The following PPM1H variants were observed in gnomAD, a reference collection of about 807,000 sequenced individuals.
The protein encoded by PPM1H is protein phosphatase, Mg2+/Mn2+ dependent 1H, also known as protein phosphatase 1H.
A neutral mutation model predicts 54.9 loss-of-function variants in PPM1H; 27 were observed. The observed-to-expected ratio is 0.49, with a 90% CI of 0.36 to 0.68. The LOEUF is 0.68. PPM1H is among the 30% of genes least tolerant of loss of function. The pLI, the probability that PPM1H is intolerant of heterozygous loss-of-function variation, is 0.00. For synonymous variants in PPM1H, 305 were observed against 270.8 expected, an observed-to-expected ratio of 1.13 and a Z score of -1.24; for missense variants, 596 against 667.8, an observed-to-expected ratio of 0.89 and a Z score of 1.19.
chr12:62,741,749 T>C (rs2076382039), intron 4 of PPM1H, among the ~76,000 whole-genome samples: 1 of 152,206 alleles, frequency 6.6e-6, no homozygotes, highest in Admixed American at 6.5e-5. Context: ...GTCTATGTTG[T>C]TGTCTCTGAA....
intron 2 of PPM1H, among the ~76,000 whole-genome samples, chr12:62,804,821 GC>G (rs2076796539): frequency 6.7e-6 from 1 of 149,162 alleles, no homozygotes; most frequent in African/African-American, 2.5e-5. Context: ...GACTACAGGC[GC>G]CCGCCACTAC....
At chr12:62,924,204 G>A (rs1871894449) in intron 1 of PPM1H, among the ~76,000 whole-genome samples, 1 of 151,996 alleles carries the variant, frequency 6.6e-6, no homozygotes, top group South Asian at 2.1e-4. Context: ...ACGAAACTGA[G>A]GCCCAGAGTG....
intron 1 of PPM1H, among the ~76,000 whole-genome samples, chr12:62,898,418 A>G (rs1871061665): frequency 6.6e-6 from 1 of 152,228 alleles, no homozygotes; most frequent in South Asian, 2.1e-4. Context: ...ACAAAGGAAA[A>G]AACGCACTGA....
chr12:62,651,147 A>G (rs965749867), intron 9 of PPM1H, among the ~76,000 whole-genome samples: 1 of 152,188 alleles, frequency 6.6e-6, no homozygotes, highest in East Asian at 1.9e-4. Context: ...TGCTATGAGA[A>G]AATATGCCTG....
chr12:62,785,861 GA>G (rs35904349), intron 4 of PPM1H, among the ~76,000 whole-genome samples: 43,325 of 129,290 alleles, frequency 0.34, 6,639 homozygotes, highest in South Asian at 0.46. Context: ...TAAAAATGAG[GA>G]AAAAAAAAAA....
chr12:62,773,227 C>A (rs964258917), intron 4 of PPM1H, among the ~76,000 whole-genome samples: 3 of 152,138 alleles, frequency 2.0e-5, no homozygotes, highest in Admixed American at 2.0e-4. Flanking sequence ...GTAATTCCAG[C>A]ACTTTGGAAG....
intron 1 of PPM1H, among the ~76,000 whole-genome samples, chr12:62,867,197 C>A (rs1869806334): frequency 6.6e-6 from 1 of 152,138 alleles, no homozygotes; most frequent in Admixed American, 6.5e-5. Flanking sequence ...TTAAATTTGG[C>A]TGACACTTTC....
chr12:62,855,883 T>C (rs1261031447), intron 1 of PPM1H, among the ~76,000 whole-genome samples: 1 of 152,218 alleles, frequency 6.6e-6, no homozygotes, highest in Non-Finnish European at 1.5e-5. Context: ...ATAGTTACTT[T>C]GAAAGAGTTT....
At chr12:62,858,344 T>C (rs910576227) in intron 1 of PPM1H, among the ~76,000 whole-genome samples, 1 of 152,152 alleles carries the variant, frequency 6.6e-6, no homozygotes, top group Admixed American at 6.6e-5. Context: ...CAGGCACCAA[T>C]TGAGATTGGC....
At chr12:62,745,352 G>T in intron 4 of PPM1H, among the ~76,000 whole-genome samples, 1 of 152,148 alleles carries the variant, frequency 6.6e-6, no homozygotes, top group Admixed American at 6.5e-5. Flanking sequence ...ATGAGCCACC[G>T]CACCTGGTTA....
intron 1 of PPM1H, among the ~76,000 whole-genome samples, chr12:62,880,556 G>A (rs752996402): frequency 1.3e-5 from 2 of 152,068 alleles, no homozygotes; most frequent in South Asian, 2.1e-4. Context: ...AGTGCACGTC[G>A]TGATTACCCT....
intron 6 of PPM1H, among the ~76,000 whole-genome samples, chr12:62,702,702 C>G (rs900727754): frequency 1.3e-5 from 2 of 152,190 alleles, no homozygotes; most frequent in African/African-American, 4.8e-5. Flanking sequence ...ATGCTCCCTT[C>G]GGGGACAGCA....
At chr12:62,744,598 T>A (rs1038727861) in intron 4 of PPM1H, among the ~76,000 whole-genome samples, 5 of 152,116 alleles carry the variant, frequency 3.3e-5, no homozygotes, top group Non-Finnish European at 1.5e-5. Context: ...ACAAAAACTA[T>A]ATATAGATAT....
intron 1 of PPM1H, among the ~76,000 whole-genome samples, chr12:62,861,252 T>C (rs76676754): frequency 3.4e-3 from 517 of 152,348 alleles, no homozygotes; most frequent in African/African-American, 0.012. Context: ...TTTTGAGGAT[T>C]AGACAGAGAT....
chr12:62,765,638 C>CCCAG (rs1281190937), intron 4 of PPM1H, among the ~76,000 whole-genome samples: 1 of 152,134 alleles, frequency 6.6e-6, no homozygotes, highest in African/African-American at 2.4e-5. Context: ...GAGAGAGACA[C>CCCAG]CCAGTTACAG....
chr12:62,897,106 G>A (rs996083704), intron 1 of PPM1H, among the ~76,000 whole-genome samples: 2 of 129,532 alleles, frequency 1.5e-5, no homozygotes, highest in African/African-American at 2.8e-5. Context: ...GTTGCGGGGT[G>A]GGGGGAGGGG....
At chr12:62,705,738 G>A (rs888105999) in intron 6 of PPM1H, among the ~76,000 whole-genome samples, 11 of 152,074 alleles carry the variant, frequency 7.2e-5, no homozygotes, top group African/African-American at 2.4e-4. Context: ...CTTACTTCAT[G>A]AGCACACAAA....
Position 62,647,821 on chromosome 12 carries a change from A to G in PPM1H, c.*668T>C, listed in dbSNP as rs2075794382. 1 of 152,168 alleles carries G rather than the reference A, an allele frequency of 6.6e-6. No homozygotes were observed. The highest frequency in any genetic ancestry group is 6.6e-5 in the Admixed American group (1 of 15,264). 9.4% of individuals were successfully genotyped at this position (152,168 alleles called of 1,614,324 possible). On this transcript the variant is annotated 3_prime_UTR_variant, in exon 10 of 10. Coordinates refer to ENST00000228705, the MANE Select transcript of PPM1H (RefSeq NM_020700.2). ...CCCAGCCTGGGTGGGACTTGGACAC[A>G]GAACTTCCTTAGCAGGGTGTTGGAA... is the stretch of plus-strand genomic sequence containing the variant.
intron 4 of PPM1H, among the ~76,000 whole-genome samples, chr12:62,743,035 GTA>G (rs2076391025): frequency 6.6e-6 from 1 of 152,154 alleles, no homozygotes. Context: ...AGAAAAGGAG[GTA>G]AAGCAAGGAC....
Sources: gnomAD v4.1 joint callset for allele counts (sites outside exome capture counted in the v4.1 genomes callset) on GRCh38, gnomAD v4.1.1 for gene constraint, MANE v1.5 for transcripts, NCBI Gene and HGNC (gene_info 2026-07-23, HGNC 2026-07-21) for gene names.